Variants in CTCF observed in about 807,000 individuals in gnomAD.
CTCF encodes CCCTC-binding factor.
In CTCF, 7 loss-of-function variants were observed where a neutral mutation model predicts 72.3. That is an observed-to-expected ratio of 0.10 (90% CI 0.06 to 0.18). The LOEUF (loss-of-function observed/expected upper bound fraction) is 0.18. CTCF is among the 10% of genes least tolerant of loss of function. The pLI, the probability that CTCF is intolerant of heterozygous loss-of-function variation, is 1.00. For synonymous variants in CTCF, 374 were observed against 315.8 expected (o/e 1.18, Z -1.95); for missense variants, 516 against 949.1 (o/e 0.54, Z 6.00).
chr16:67,563,028 C>T (rs2051298177), intron 1 of CTCF, among the ~76,000 whole-genome samples: 1 of 150,884 alleles, frequency 6.6e-6, no homozygotes, highest in African/African-American at 2.4e-5. Context: ...ATTTTCCTTC[C>T]TTTGTCTGCC....
chr16:67,571,484 T>C (rs1311488010), intron 2 of CTCF, among the ~76,000 whole-genome samples: 1 of 152,212 alleles, frequency 6.6e-6, no homozygotes, highest in Non-Finnish European at 1.5e-5. Flanking sequence ...TCTACTCCTG[T>C]AGTCCTCACT....
chr16:67,604,735 TTTTTTTTTTGTTTTTTG>T (rs555822609), intron 2 of CTCF, among the ~76,000 whole-genome samples: 4,297 of 144,054 alleles, frequency 0.03, 129 homozygotes, highest in South Asian at 0.059. Context: ...CCAGGGTTTT[TTTTTTTTTTGTTTTTTG>T]TTTTTTTTTT....
intron 2 of CTCF, among the ~76,000 whole-genome samples, chr16:67,584,432 C>T (rs1049864996): frequency 2.0e-5 from 3 of 151,060 alleles, no homozygotes; most frequent in East Asian, 2.0e-4. Context: ...CCTCTGCCCC[C>T]CAGGTTCAAG....
At chr16:67,588,812 A>C (rs2051701452) in intron 2 of CTCF, among the ~76,000 whole-genome samples, 1 of 151,968 alleles carries the variant, frequency 6.6e-6, no homozygotes, top group African/African-American at 2.4e-5. Context: ...TCAGCCTCCC[A>C]AGTAGCTGGG....
intron 9 of CTCF, among the ~76,000 whole-genome samples, chr16:67,628,799 G>A (rs1478055178): frequency 6.6e-6 from 1 of 152,206 alleles, no homozygotes; most frequent in African/African-American, 2.4e-5. Context: ...GGTGGCTCGC[G>A]CCTGTAATCC....
chr16:67,577,524 G>A (rs549702940), intron 2 of CTCF, among the ~76,000 whole-genome samples: 14 of 150,196 alleles, frequency 9.3e-5, no homozygotes, highest in East Asian at 2.0e-4. Flanking sequence ...TGCAAGCTCC[G>A]CCTCCCGGGT....
chr16:67,602,762 A>C (rs1012063818), intron 2 of CTCF, among the ~76,000 whole-genome samples: 1 of 148,460 alleles, frequency 6.7e-6, no homozygotes, highest in Non-Finnish European at 1.5e-5. Flanking sequence ...AATCGCTTGA[A>C]CCCAGGAGTC....
chr16:67,565,354 G>T (rs1037439207), intron 1 of CTCF, among the ~76,000 whole-genome samples: 11 of 150,606 alleles, frequency 7.3e-5, no homozygotes, highest in Non-Finnish European at 1.3e-4. Context: ...AGGAATGTTT[G>T]CCTGCATAAG....
chr16:67,614,451 C>T (rs1351355226), intron 4 of CTCF: 1 of 152,106 alleles, frequency 6.6e-6, no homozygotes. Flanking sequence ...AATCCCTGCA[C>T]CTAGGGAGGC....
At chr16:67,590,510 TA>T (rs1391878332) in intron 2 of CTCF, among the ~76,000 whole-genome samples, 1 of 152,034 alleles carries the variant, frequency 6.6e-6, no homozygotes, top group African/African-American at 2.4e-5. Flanking sequence ...TTTTTATTTT[TA>T]TTTTTTTAGT....
At chr16:67,620,584 T>A (rs2052187887) in intron 5 of CTCF, 113 bp from the exon 6 acceptor site, 2 of 789,062 alleles carry the variant, frequency 2.5e-6, no homozygotes, top group Non-Finnish European at 3.9e-6. Flanking sequence ...TCTTTTAGAC[T>A]TCTGTATTCT....
At chr16:67,622,811 ATT>A (rs951749794) in intron 7 of CTCF, among the ~76,000 whole-genome samples, 13 of 123,888 alleles carry the variant, frequency 1.0e-4, no homozygotes, top group Non-Finnish European at 1.4e-4. Flanking sequence ...GCCCGGCTAA[ATT>A]TTTTTTTTTT....
chr16:67,598,328 G>A (rs2051841817), intron 2 of CTCF, among the ~76,000 whole-genome samples: 1 of 151,928 alleles, frequency 6.6e-6, no homozygotes. Context: ...TTCAGTTCAC[G>A]TTATTCTTTT....
chr16:67,610,460 C>G (rs576818900), intron 2 of CTCF: 3 of 146,714 alleles, frequency 2.0e-5, no homozygotes, highest in African/African-American at 7.6e-5. Context: ...TCAAGCTATT[C>G]TTCTGCCTCA....
intron 2 of CTCF, among the ~76,000 whole-genome samples, chr16:67,595,776 CCT>C (rs2051804386): frequency 6.6e-6 from 1 of 152,032 alleles, no homozygotes; most frequent in Admixed American, 6.6e-5. Flanking sequence ...TTCCATTCTG[CCT>C]CTCCTGTCCG....
intron 2 of CTCF, among the ~76,000 whole-genome samples, chr16:67,580,240 C>G (rs190908275): frequency 7.7e-4 from 117 of 152,276 alleles, no homozygotes; most frequent in Non-Finnish European, 5.3e-4. Context: ...GACAGACTCT[C>G]GCTCTGTTGC....
chr16:67,623,236 G>A (rs968036162), intron 7 of CTCF: 2 of 152,130 alleles, frequency 1.3e-5, no homozygotes, highest in African/African-American at 4.8e-5. Flanking sequence ...GATTACAGGC[G>A]AGAGCTGCTA....
intron 2 of CTCF, among the ~76,000 whole-genome samples, chr16:67,591,386 A>T (rs1006898933): frequency 6.6e-6 from 1 of 152,208 alleles, no homozygotes; most frequent in Non-Finnish European, 1.5e-5. Flanking sequence ...TTCCGTTCCC[A>T]GTCACTGTGA....
chr16:67,573,299 C>G (rs1015647737), intron 2 of CTCF, among the ~76,000 whole-genome samples: 2 of 148,634 alleles, frequency 1.3e-5, no homozygotes, highest in African/African-American at 2.5e-5. Context: ...TGTGGTGGTG[C>G]GTGCCTGTAA....
Sources: allele counts gnomAD v4.1 joint callset (sites outside exome capture counted in the v4.1 genomes callset), GRCh38; gene constraint gnomAD v4.1.1; transcripts MANE v1.5; gene names NCBI Gene and HGNC (gene_info 2026-07-23, HGNC 2026-07-21).